ELMO1: variants seen among roughly 807,000 people sequenced by gnomAD.
ELMO1 encodes the protein engulfment and cell motility 1.
A neutral mutation model predicts 98.9 loss-of-function variants in ELMO1; 26 were observed. The observed-to-expected ratio is 0.26, with a 90% CI of 0.19 to 0.36. ELMO1 has a LOEUF of 0.36. Ranked by LOEUF, ELMO1 falls within the 10% of genes least tolerant of loss-of-function variation. The pLI is 1.00. For missense variants in ELMO1, 627 were observed against 935.2 expected (o/e 0.67, Z 4.30); for synonymous variants, 346 against 346.0 (o/e 1.00, Z 0.00).
In ELMO1 at chr7:37,319,482, G is replaced by T. The variant is rs150130338; in HGVS notation, c.79-3522C>A. 5.2e-4 allele frequency among the ~76,000 whole-genome samples: 79 copies of T among 152,110 alleles called. No homozygotes were observed. In the East Asian group the frequency reaches 0.014, roughly 28 times the overall value. On this transcript the variant is annotated intron_variant, in intron 2 of 21. Transcript: ENST00000310758. ...CCTGCCATCAAATAGATCTTTGAGC[G>T]TACACCCCAATCTCATCACCCTTAA...
chr7:37,322,200 G>A (rs1799553630), intron 2 of ELMO1, among the ~76,000 whole-genome samples: 1 of 151,962 alleles, frequency 6.6e-6, no homozygotes. Flanking sequence ...TATTTGGGCT[G>A]GACGTGGTGG....
chr7:37,449,296 T>C (rs1296097436), upstream of ELMO1: 2 of 152,066 alleles, frequency 1.3e-5, no homozygotes, highest in African/African-American at 4.8e-5. Context: ...CAAAAGCGAG[T>C]AGCATCTTTT....
intron 15 of ELMO1, among the ~76,000 whole-genome samples, chr7:37,078,607 T>C (rs1437283009): frequency 6.6e-6 from 1 of 152,268 alleles, no homozygotes; most frequent in East Asian, 1.9e-4. Context: ...ATTTGGTAAA[T>C]AAATAAAAAG....
intron 1 of ELMO1, among the ~76,000 whole-genome samples, chr7:37,417,487 T>C (rs28708955): frequency 0.17 from 25,450 of 152,062 alleles, 2,310 homozygotes; most frequent in South Asian, 0.26. Context: ...GGTGAAACCC[T>C]GCCTCTACTA....
At chr7:37,438,997 G>A (rs1458522579) in intron 1 of ELMO1, among the ~76,000 whole-genome samples, 1 of 152,176 alleles carries the variant, frequency 6.6e-6, no homozygotes, top group Non-Finnish European at 1.5e-5. Context: ...TCAGACTCTG[G>A]CTGGCACCCG....
intron 16 of ELMO1, among the ~76,000 whole-genome samples, chr7:36,931,292 A>C (rs916633964): frequency 1.3e-5 from 2 of 152,230 alleles, no homozygotes; most frequent in Non-Finnish European, 2.9e-5. Flanking sequence ...GCCTTAAATA[A>C]AACTCTTCTT....
chr7:37,029,454 A>C (rs1794759124), intron 15 of ELMO1, among the ~76,000 whole-genome samples: 3 of 152,028 alleles, frequency 2.0e-5, no homozygotes, highest in Non-Finnish European at 4.4e-5. Flanking sequence ...TAAGTACTGG[A>C]TTTCTTTATT....
At chr7:36,881,681 T>C (rs947323214) in intron 18 of ELMO1, among the ~76,000 whole-genome samples, 1 of 152,226 alleles carries the variant, frequency 6.6e-6, no homozygotes, top group African/African-American at 2.4e-5. Context: ...GTGTGAAGGA[T>C]AAGAGGGAAG....
chr7:36,997,599 A>C (rs1792315442), intron 16 of ELMO1, among the ~76,000 whole-genome samples: 1 of 152,188 alleles, frequency 6.6e-6, no homozygotes, highest in South Asian at 2.1e-4. Flanking sequence ...AGCAGCAGGA[A>C]CGGAGCCATG....
At chr7:37,196,011 T>C (rs188105074) in intron 13 of ELMO1, among the ~76,000 whole-genome samples, 197 of 152,322 alleles carry the variant, frequency 1.3e-3, no homozygotes, top group Non-Finnish European at 1.1e-3. Context: ...TTCTGGGTTA[T>C]CATGAAGCAG....
intron 13 of ELMO1, among the ~76,000 whole-genome samples, chr7:37,210,505 G>GTA (rs200461606): frequency 4.3e-4 from 64 of 149,788 alleles, no homozygotes; most frequent in African/African-American, 1.2e-3. Flanking sequence ...TACATTGTGT[G>GTA]TATATATATA....
chr7:37,179,339 G>A (rs564678442), intron 13 of ELMO1, among the ~76,000 whole-genome samples: 17 of 147,890 alleles, frequency 1.1e-4, no homozygotes, highest in South Asian at 2.1e-4. Context: ...GTGCACTGGC[G>A]CGATCTTGGC....
chr7:36,889,814 C>T (rs1456143478), intron 17 of ELMO1, among the ~76,000 whole-genome samples: 46 of 152,124 alleles, frequency 3.0e-4, no homozygotes, highest in Admixed American at 2.6e-3. Flanking sequence ...AGTTACTCCC[C>T]GCTTTTTTTT....
chr7:37,303,757 G>C (rs944725166), intron 4 of ELMO1, among the ~76,000 whole-genome samples: 1 of 152,122 alleles, frequency 6.6e-6, no homozygotes, highest in Non-Finnish European at 1.5e-5. Context: ...CTATTCATTA[G>C]TTTCATAGCT....
intron 16 of ELMO1, among the ~76,000 whole-genome samples, chr7:36,896,844 C>T (rs1806043164): frequency 6.6e-6 from 1 of 152,172 alleles, no homozygotes; most frequent in Non-Finnish European, 1.5e-5. Context: ...TGCTGCTTTG[C>T]CCACTTAGAG....
intron 13 of ELMO1, among the ~76,000 whole-genome samples, chr7:37,134,431 C>T (rs558263431): frequency 2.0e-4 from 30 of 151,816 alleles, no homozygotes; most frequent in East Asian, 3.9e-4. Flanking sequence ...TGGTGGCGCG[C>T]GCCTGTAATC....
intron 16 of ELMO1, among the ~76,000 whole-genome samples, chr7:37,012,261 G>A (rs1460994101): frequency 6.6e-6 from 1 of 152,170 alleles, no homozygotes; most frequent in African/African-American, 2.4e-5. Flanking sequence ...CCACAAATGA[G>A]AAATATAGTG....
chr7:37,165,406 T>C (rs937156265), intron 13 of ELMO1, among the ~76,000 whole-genome samples: 9 of 151,988 alleles, frequency 5.9e-5, no homozygotes, highest in Non-Finnish European at 1.0e-4. Context: ...GGCATCCCTG[T>C]CTTGTGCCAG....
chr7:37,217,010 T>C (rs920753862), intron 10 of ELMO1, among the ~76,000 whole-genome samples: 2 of 152,218 alleles, frequency 1.3e-5, no homozygotes, highest in African/African-American at 2.4e-5. Flanking sequence ...CAATGGCTAT[T>C]AGAAAGCCTC....
Sources: gnomAD v4.1 joint callset for allele counts (sites outside exome capture counted in the v4.1 genomes callset) on GRCh38, gnomAD v4.1.1 for gene constraint, MANE v1.5 for transcripts, NCBI Gene and HGNC (gene_info 2026-07-23, HGNC 2026-07-21) for gene names.